Variants in WSCD1 observed in about 807,000 individuals in gnomAD.
The protein encoded by WSCD1 is WSC domain sialate O sulfotransferase 1, also known as sialate:O-sulfotransferase 1.
In WSCD1, 41 loss-of-function variants were observed where a neutral mutation model predicts 60.4. The ratio of observed to expected loss-of-function variants is 0.68; its 90% CI spans 0.53 to 0.88. The LOEUF (loss-of-function observed/expected upper bound fraction) is 0.88. WSCD1 is among the 40% of genes least tolerant of loss of function. The pLI is 0.00. For missense variants in WSCD1, 784 were observed against 796.2 expected (o/e 0.98, Z 0.18); for synonymous variants, 361 against 332.5 (o/e 1.09, Z -0.93).
intron 2 of WSCD1, among the ~76,000 whole-genome samples, chr17:6,082,848 G>A (rs1394450445): frequency 2.0e-5 from 3 of 152,146 alleles, no homozygotes; most frequent in East Asian, 1.9e-4. Context: ...TGATCATGAC[G>A]AGAAGGTTCT....
rs1425596956 is a variant in WSCD1 at position 6,113,995 on chromosome 17, T to C, written c.1174+3060T>C. ...TCCAGCAATCCCACTGCTGGGTATA[T>C]ATTCAAGGGAAAGGAAATGAGTATG... On this transcript the variant is annotated intron_variant, in intron 7 of 8. Coordinates refer to ENST00000317744, the MANE Select transcript of WSCD1 (RefSeq NM_015253.2). Among the ~76,000 whole-genome samples, 7 of 152,182 alleles carry C rather than the reference T, an allele frequency of 4.6e-5. No individual in the cohort carries two copies. The East Asian group carries it at 1.4e-3, about 29-fold the overall frequency.
rs1342786791 is a variant in WSCD1 at position 6,071,612 on chromosome 17, G to A, written c.-289+960G>A. ...CATGCTTAGGTTTATGGAGGCACTT[G>A]GTTTATCCCACTTTGGCATCAGGAG... On this transcript the variant is annotated intron_variant, in intron 1 of 8. Transcript: ENST00000317744. Among the ~76,000 whole-genome samples the A allele has an allele frequency of 2.6e-5, 4 of 152,230 alleles. No individual in the cohort carries two copies. In the East Asian group the frequency reaches 7.7e-4, roughly 29 times the overall value.
At position 6,122,913 on chromosome 17, in the gene WSCD1, C is replaced by T. The variant is rs1341108734; in HGVS notation, c.*2252C>T. 6.6e-6 allele frequency: 1 copy of T among 152,218 alleles called. No individual in the cohort carries two copies. Among genetic ancestry groups the T allele is most frequent in the Non-Finnish European group, 1.5e-5 (1 of 68,090 alleles). The allele number at this position is 152,218 out of a possible 1,614,324, so 9.4% of individuals were successfully genotyped here. A position where few individuals can be genotyped will look rare whatever the true frequency, so the allele number is the denominator to read the frequency against. On this transcript the variant is annotated 3_prime_UTR_variant, in exon 9 of 9. Transcript: ENST00000317744. The stretch of plus-strand genomic sequence containing the variant: ...CTGAGTCAGTCCATACAGCAAGACA[C>T]CTGGCACTTGGCAGGTACTCCTGGA...
chr17:6,079,962 G>C (rs1201853347), intron 1 of WSCD1, among the ~76,000 whole-genome samples: 1 of 152,204 alleles, frequency 6.6e-6, no homozygotes, highest in Non-Finnish European at 1.5e-5. Flanking sequence ...ACAGGGATAT[G>C]ATATCTCTAG....
intron 5 of WSCD1, among the ~76,000 whole-genome samples, chr17:6,103,400 G>T (rs1225005271): frequency 6.6e-6 from 1 of 152,172 alleles, no homozygotes; most frequent in African/African-American, 2.4e-5. Flanking sequence ...GGTACCTTAG[G>T]ATCCCAATGG....
chr17:6,077,858 G>A (rs1908965358), intron 1 of WSCD1: 1 of 152,210 alleles, frequency 6.6e-6, no homozygotes, highest in Non-Finnish European at 1.5e-5. Context: ...GTGCTCCCTA[G>A]TTTGTAACCG....
chr17:6,110,829 G>C lies in WSCD1; in HGVS notation c.1068G>C (p.Leu356Phe). Residue 356 changes from leucine (L) to phenylalanine (F), a missense_variant, in exon 7 of 9, where the codon TTG becomes TTC. By Grantham distance (22) the Leu-to-Phe change is conservative (BLOSUM62 0). Coordinates refer to ENST00000317744, the MANE Select transcript of WSCD1 (RefSeq NM_015253.2). The surrounding 1 kb of genome is among the most constrained non-coding windows in gnomAD (Gnocchi z 4.8). ...ACAAATCCAAAGTGTTTGTGGCTTT[G>C]TCAAGCTTCCCAGGAGCCGGGAACA... is the stretch of plus-strand genomic sequence containing the variant. Reference protein sequence around the residue: ...LPNKSKVFVALSSFPGAGNTW... With the variant: ...LPNKSKVFVAFSSFPGAGNTW... The C allele has an allele frequency of 6.2e-7, 1 of 1,614,056 alleles. No individual in the cohort carries two copies. Among genetic ancestry groups the C allele is most frequent in the Non-Finnish European group, 8.5e-7 (1 of 1,179,958 alleles).
At chr17:6,086,554 A>C (rs1426515583) in intron 2 of WSCD1, among the ~76,000 whole-genome samples, 1 of 151,970 alleles carries the variant, frequency 6.6e-6, no homozygotes, top group Non-Finnish European at 1.5e-5. Context: ...GGGTTTCACC[A>C]TGTTGACCAG....
intron 2 of WSCD1, 137 bp from the exon 3 acceptor site, chr17:6,087,853 G>A (rs1909758578): frequency 1.6e-6 from 1 of 637,262 alleles, no homozygotes; most frequent in Non-Finnish European, 2.8e-6. Flanking sequence ...GTGGGAGGGA[G>A]GTAGCCTGCA....
At chr17:6,094,637 G>A (rs1015964797) in intron 4 of WSCD1, among the ~76,000 whole-genome samples, 6 of 131,050 alleles carry the variant, frequency 4.6e-5, no homozygotes, top group South Asian at 2.5e-4. Context: ...TAGGCAGGCC[G>A]GCAGGAAGGC....
Position 6,111,123 on chromosome 17 carries a change from G to T in WSCD1, c.1174+188G>T, listed in dbSNP as rs41314103. ...GTATTGAAGACCAGCCCGCCTGGTG[G>T]TCCCCATCCACAACAAAGTTACGCC... is the stretch of plus-strand genomic sequence containing the variant. On this transcript the variant is annotated intron_variant, in intron 7 of 8. Transcript: ENST00000317744. Among the ~76,000 whole-genome samples, 96 of 152,052 alleles carry T rather than the reference G, an allele frequency of 6.3e-4. No individual in the cohort carries two copies. In the East Asian group the frequency reaches 0.017, roughly 27 times the overall value.
intron 2 of WSCD1, among the ~76,000 whole-genome samples, chr17:6,084,220 A>C (rs1909471454): frequency 6.6e-6 from 1 of 152,218 alleles, no homozygotes; most frequent in African/African-American, 2.4e-5. Context: ...AAGTATTGTG[A>C]ATGTGTGCCA....
chr17:6,114,219 A>G (rs1567561590), intron 7 of WSCD1, among the ~76,000 whole-genome samples: 1 of 151,970 alleles, frequency 6.6e-6, no homozygotes, highest in East Asian at 1.9e-4. Context: ...CCTAAGGGAC[A>G]TTATGTTAAG....
At chr17:6,087,019 G>A (rs891080250) in intron 2 of WSCD1, among the ~76,000 whole-genome samples, 9 of 152,204 alleles carry the variant, frequency 5.9e-5, no homozygotes, top group Non-Finnish European at 1.3e-4. Flanking sequence ...CTGGGGAGAC[G>A]TGCAGCGTGT....
In WSCD1 at chr17:6,080,662, G is replaced by A. The variant is rs1234865554; in HGVS notation, c.4G>A (p.Ala2Thr). The stretch of plus-strand genomic sequence containing the variant: ...AGGAGCCCTGCTGCCCAGGGGCATG[G>A]CCAAACCTTTCTTCCGACTCCAGAA... M[A>T]KPFFRLQKFL... Residue 2 changes from alanine to threonine, a missense_variant, in exon 2 of 9, where the codon GCC becomes ACC. By Grantham distance (58) the Ala-to-Thr change is moderately conservative (BLOSUM62 0). Coordinates refer to ENST00000317744, the MANE Select transcript of WSCD1 (RefSeq NM_015253.2). This position sits in a 1 kb window ranked among gnomAD's most constrained non-coding sequence, Gnocchi z 6.6. 1 of 1,613,520 alleles carries A rather than the reference G, an allele frequency of 6.2e-7. No individual in the cohort carries two copies.
intron 1 of WSCD1, among the ~76,000 whole-genome samples, chr17:6,079,657 T>C (rs534102237): frequency 1.3e-5 from 2 of 152,262 alleles, no homozygotes; most frequent in African/African-American, 4.8e-5. Flanking sequence ...CCATCCTGTG[T>C]GAAAGCCAAC....
intron 5 of WSCD1, among the ~76,000 whole-genome samples, chr17:6,099,244 C>T (rs1224209259): frequency 6.6e-6 from 1 of 152,042 alleles, no homozygotes; most frequent in Non-Finnish European, 1.5e-5. Flanking sequence ...GGGCCAGGCA[C>T]GGTGGCTCAT....
chr17:6,107,432 C>G (rs1402121777), intron 5 of WSCD1, among the ~76,000 whole-genome samples: 1 of 151,892 alleles, frequency 6.6e-6, no homozygotes, highest in Non-Finnish European at 1.5e-5. Context: ...ACCCGGGAGG[C>G]AGAGGTTGCA....
intron 5 of WSCD1, among the ~76,000 whole-genome samples, chr17:6,098,485 A>G (rs979831920): frequency 3.9e-5 from 6 of 152,158 alleles, no homozygotes; most frequent in Non-Finnish European, 8.8e-5. Flanking sequence ...AACGCATTTC[A>G]AGGACAAGTT....
Sources: gnomAD v4.1 joint callset for allele counts (sites outside exome capture counted in the v4.1 genomes callset) on GRCh38, gnomAD v4.1.1 for gene constraint, Gnocchi (gnomAD v3.1) non-coding constraint, MANE v1.5 for transcripts, NCBI Gene and HGNC (gene_info 2026-07-23, HGNC 2026-07-21) for gene names.